AKAP12: variants seen among roughly 807,000 people sequenced by gnomAD.
The protein encoded by AKAP12 is A-kinase anchoring protein 12, also known as A-kinase anchor protein 12.
In AKAP12, 32 loss-of-function variants were observed where a neutral mutation model predicts 79.9. The ratio of observed to expected loss-of-function variants is 0.40; its 90% CI spans 0.30 to 0.54. The LOEUF (loss-of-function observed/expected upper bound fraction) is 0.54, where lower values mean the gene tolerates loss of function less well. AKAP12 is among the 20% of genes least tolerant of loss of function. AKAP12 has a pLI of 0.48. For missense variants in AKAP12, 2,074 were observed against 2,177.0 expected (o/e 0.95, Z 0.94); for synonymous variants, 808 against 857.0 (o/e 0.94, Z 1.00).
Position 151,350,256 on chromosome 6 carries a change from G to C in AKAP12, c.1865G>C (p.Arg622Pro), listed in dbSNP as rs961380274. The C allele has an allele frequency of 1.2e-6, 2 of 1,614,038 alleles. No individual in the cohort carries two copies. The highest frequency in any genetic ancestry group is 3.3e-5 in the Admixed American group (2 of 60,022). Residue 622 changes from arginine (R) to proline (P), a missense_variant, in exon 4 of 5, where the codon CGT (arginine) becomes CCT (proline). Arg to Pro is a moderately radical substitution (Grantham distance 103, BLOSUM62 -2). Around this residue, in one of 3 missense-constraint regions of AKAP12, gnomAD observed 1,428 missense variants for 1,451.0 expected, o/e 0.98. Transcript: ENST00000402676. The surrounding 1 kb of genome is among the most constrained non-coding windows in gnomAD (Gnocchi z 4.8). Reference sequence around the variant, plus strand: ...AAAAAGATGGTGACGCCCAAGAAGCGTGTTAGACGGCCTTCGGAAAGTGAT... The same window carrying C: ...AAAAAGATGGTGACGCCCAAGAAGCCTGTTAGACGGCCTTCGGAAAGTGAT... ...SFKKMVTPKKRVRRPSESDKE... is the reference protein window; with the variant it reads ...SFKKMVTPKKPVRRPSESDKE...
chr6:151,310,375 C>A (rs1265410047), intron 3 of AKAP12, among the ~76,000 whole-genome samples: 9 of 151,388 alleles, frequency 5.9e-5, no homozygotes, highest in Non-Finnish European at 1.2e-4. Context: ...AAAAAAAAAA[C>A]AAAAACAAAA....
intron 2 of AKAP12, among the ~76,000 whole-genome samples, chr6:151,267,014 C>CAAAAA (rs34974747): frequency 1.4e-4 from 5 of 35,346 alleles, no homozygotes; most frequent in East Asian, 7.6e-4. Flanking sequence ...GACTCCATCT[C>CAAAAA]AAAAAAAAAA....
At chr6:151,327,118 A>AT (rs71922297) in intron 3 of AKAP12, among the ~76,000 whole-genome samples, 19,669 of 140,934 alleles carry the variant, frequency 0.14, 1,424 homozygotes, top group Middle Eastern at 0.23. Context: ...CCTGGCCTAC[A>AT]TTTTTTTTTT....
intron 3 of AKAP12, among the ~76,000 whole-genome samples, chr6:151,345,718 A>G (rs1778075735): frequency 6.6e-6 from 1 of 150,408 alleles, no homozygotes; most frequent in African/African-American, 2.5e-5. Context: ...AATCGCTTGA[A>G]CCCGGGAGGT....
intron 3 of AKAP12, among the ~76,000 whole-genome samples, chr6:151,344,652 G>GCCTCC (rs1389901795): frequency 6.6e-6 from 1 of 151,770 alleles, no homozygotes; most frequent in African/African-American, 2.4e-5. Context: ...TCCTGCCTCA[G>GCCTCC]CCTCCCGAGT....
chr6:151,296,559 C>G lies in AKAP12; in HGVS notation c.163-9188C>G, dbSNP rs1047700024. On this transcript the variant is annotated intron_variant, in intron 2 of 4. Transcript: ENST00000402676. Reference sequence around the variant, plus strand: ...TAGGAGGCTGAGGTGGGCGGATCACCTGAGGTCAGGAGCTTGAGACTAGCC... The same window carrying G: ...TAGGAGGCTGAGGTGGGCGGATCACGTGAGGTCAGGAGCTTGAGACTAGCC... Among the ~76,000 whole-genome samples the G allele has an allele frequency of 2.6e-5, 4 of 152,268 alleles. No individual in the cohort carries two copies. The East Asian group carries it at 5.8e-4, about 22-fold the overall frequency.
chr6:151,352,046 G>A lies in AKAP12; in HGVS notation c.3655G>A (p.Glu1219Lys), dbSNP rs1170755804. The A allele has an allele frequency of 3.7e-6, 6 of 1,614,034 alleles. No homozygotes were observed. Among genetic ancestry groups the A allele is most frequent in the Admixed American group, 3.3e-5 (2 of 59,996 alleles). Residue 1219 changes from glutamate (E) to lysine (K), a missense_variant, in exon 4 of 5, where the codon GAG becomes AAG. Glu to Lys is a moderately conservative substitution (Grantham distance 56). Coordinates refer to ENST00000402676, the MANE Select transcript of AKAP12 (RefSeq NM_005100.4). ...TEAEAVPAQK[E>K]RPPAPSSFVF... ...AGCAGAGGCAGTTCCTGCACAGAAA[G>A]AGAGGCCTCCAGCACCTTCCAGTTT...
chr6:151,326,803 TTTTTTTGTTTGTTTG>T (rs1402528120), intron 3 of AKAP12, among the ~76,000 whole-genome samples: 2 of 107,798 alleles, frequency 1.9e-5, no homozygotes, highest in African/African-American at 1.3e-4. Flanking sequence ...GCCAAATCTT[TTTTTTTGTTTGTTTG>T]TTTTTTGTTT....
intron 2 of AKAP12, among the ~76,000 whole-genome samples, chr6:151,284,486 G>A (rs1776462384): frequency 6.6e-6 from 1 of 152,070 alleles, no homozygotes; most frequent in South Asian, 2.1e-4. Flanking sequence ...AAATTAGCTG[G>A]GTGTGGCAGT....
chr6:151,332,975 A>C (rs901910150), intron 3 of AKAP12, among the ~76,000 whole-genome samples: 7 of 152,148 alleles, frequency 4.6e-5, no homozygotes, highest in African/African-American at 1.7e-4. Flanking sequence ...TGAGTTAAAA[A>C]ACTATACATT....
intron 3 of AKAP12, among the ~76,000 whole-genome samples, chr6:151,312,744 A>G (rs954752931): frequency 2.2e-4 from 32 of 144,976 alleles, no homozygotes; most frequent in Non-Finnish European, 4.3e-4. Flanking sequence ...GTAAGCCGAG[A>G]TCGTGCCACT....
intron 2 of AKAP12, among the ~76,000 whole-genome samples, chr6:151,248,853 G>A (rs1178704613): frequency 3.3e-5 from 5 of 152,136 alleles, no homozygotes; most frequent in African/African-American, 9.6e-5. Context: ...CCAGTATGGT[G>A]GTGTGTACCT....
rs150331650 is a variant in AKAP12, at chr6:151,319,463, A to C, written c.319+13560A>C. On this transcript the variant is annotated intron_variant, in intron 3 of 4. Coordinates refer to ENST00000402676, the MANE Select transcript of AKAP12 (RefSeq NM_005100.4). ...TGTCTGTCTATCTATCTATCTATCT[A>C]TCTATCTATCTATCTATCTATCTAC... 5.1e-4 allele frequency among the ~76,000 whole-genome samples: 72 copies of C among 141,870 alleles called. 1 individual carries two copies. The East Asian group carries it at 0.015, about 29-fold the overall frequency. The allele number at this position is 141,870 out of a possible 152,430, so 93.1% of individuals were successfully genotyped here.
At chr6:151,297,344 AG>A (rs1298288710) in intron 2 of AKAP12, among the ~76,000 whole-genome samples, 1 of 152,006 alleles carries the variant, frequency 6.6e-6, no homozygotes, top group Admixed American at 6.6e-5. Flanking sequence ...TGGGAGGCCG[AG>A]GCGGGTGGAT....
intron 2 of AKAP12, among the ~76,000 whole-genome samples, chr6:151,256,939 G>A (rs1797311359): frequency 1.1e-5 from 1 of 89,470 alleles, no homozygotes; most frequent in Non-Finnish European, 2.2e-5. Context: ...GTGAGCCACC[G>A]CGCCCGGCCT....
At position 151,325,591 on chromosome 6, in the gene AKAP12, C is replaced by T. The variant is rs965614106; in HGVS notation, c.319+19688C>T. On this transcript the variant is annotated intron_variant, in intron 3 of 4. Coordinates refer to ENST00000402676, the MANE Select transcript of AKAP12 (RefSeq NM_005100.4). ...TCCTGGAGCTCAGCAAGGGAGGGGC[C>T]AGCGCCAGCCCGCGTGTGGGTGGCT... 40 of 1,344,958 alleles carry T rather than the reference C, an allele frequency of 3.0e-5. No homozygotes were observed. In the Admixed American group the frequency reaches 3.3e-4, roughly 11 times the overall value. The allele number at this position is 1,344,958 out of a possible 1,614,324, so 83.3% of individuals were successfully genotyped here.
chr6:151,316,432 C>T (rs1013900213), intron 3 of AKAP12, among the ~76,000 whole-genome samples: 5 of 152,154 alleles, frequency 3.3e-5, no homozygotes, highest in South Asian at 2.1e-4. Flanking sequence ...ACAAAATACT[C>T]GACTGGTGGT....
intron 3 of AKAP12, chr6:151,319,803 G>T: frequency 6.5e-6 from 1 of 154,554 alleles, no homozygotes. Context: ...GATAGAGGAG[G>T]ACTGGTCTTC....
chr6:151,261,185 C>A (rs1485415462), intron 2 of AKAP12, among the ~76,000 whole-genome samples: 1 of 151,856 alleles, frequency 6.6e-6, no homozygotes, highest in African/African-American at 2.4e-5. Context: ...GTCAGGAGTT[C>A]GAGGCCAGCC....
Sources: gnomAD v4.1 joint callset for allele counts (sites outside exome capture counted in the v4.1 genomes callset) on GRCh38, gnomAD v4.1.1 for gene constraint, gnomAD v4.1.1 regional missense constraint, Gnocchi (gnomAD v3.1) non-coding constraint, MANE v1.5 for transcripts, NCBI Gene and HGNC (gene_info 2026-07-23, HGNC 2026-07-21) for gene names.